The following COL28A1 variants were observed in gnomAD, a reference collection of about 807,000 sequenced individuals.
COL28A1 encodes collagen alpha-1(XXVIII) chain.
In COL28A1, 161 loss-of-function variants were observed where a neutral mutation model predicts 150.2. That is an observed-to-expected ratio of 1.07 (90% CI 0.94 to 1.22). The LOEUF (loss-of-function observed/expected upper bound fraction) is 1.22. COL28A1 is among the 50% of genes most tolerant of loss of function. The pLI is 0.00. For synonymous variants in COL28A1, 552 were observed against 469.7 expected (o/e 1.18, Z -2.26); for missense variants, 1,617 against 1,388.3 (o/e 1.16, Z -2.62).
At chr7:7,493,847 G>A (rs1414612707) in intron 11 of COL28A1, among the ~76,000 whole-genome samples, 1 of 122,118 alleles carries the variant, frequency 8.2e-6, no homozygotes, top group African/African-American at 2.9e-5. Flanking sequence ...CCAGCCCTTA[G>A]CAACACACAC....
intron 18 of COL28A1, among the ~76,000 whole-genome samples, chr7:7,451,285 G>A (rs1215130990): frequency 1.3e-5 from 2 of 151,734 alleles, no homozygotes; most frequent in Non-Finnish European, 2.9e-5. Context: ...GAGTGCAGTG[G>A]CGCGATCTCA....
intron 15 of COL28A1, among the ~76,000 whole-genome samples, chr7:7,459,753 G>A (rs920344944): frequency 3.9e-5 from 6 of 152,168 alleles, no homozygotes; most frequent in Non-Finnish European, 5.9e-5. Context: ...CTAACAACGA[G>A]GAGCTGACCT....
chr7:7,373,145 T>A lies in COL28A1; in HGVS notation c.2761A>T (p.Asn921Tyr). Residue 921 changes from asparagine to tyrosine, a missense_variant, in exon 32 of 35, where the codon AAT (asparagine) becomes TAT (tyrosine). Physicochemically the swap from Asn to Tyr is moderately radical, Grantham distance 143. Transcript: ENST00000399429. The surrounding 1 kb of genome is among the most constrained non-coding windows in gnomAD (Gnocchi z 4.1). The stretch of plus-strand genomic sequence containing the variant: ...ATCTCCACATTGGTGTCACTGGCAT[T>A]CTTCACCACCTCTGTCAGTTTCTCT... ...DKEKLTEVVK[N>Y]ASDTNVEIFV... 1 of 1,614,250 alleles carries A rather than the reference T, an allele frequency of 6.2e-7. No individual in the cohort carries two copies. Among genetic ancestry groups the A allele is most frequent in the Admixed American group, 1.7e-5 (1 of 60,028 alleles).
At position 7,489,417 on chromosome 7, in the gene COL28A1, G is replaced by A. The variant is rs764249895; in HGVS notation, c.1136C>T (p.Pro379Leu). ...GQEGRPGAPG[P>L]IGVGEPGQPG... ...CTGTCCAGGCTCACCAACTCCAATG[G>A]GTCCTGGAGCTCCCGGTCTTCCTTC... Residue 379 changes from proline to leucine, a missense_variant, in exon 13 of 35, where the codon CCC (proline) becomes CTC (leucine). Coordinates refer to ENST00000399429, the MANE Select transcript of COL28A1 (RefSeq NM_001037763.3). 2 of 1,467,034 alleles carry A rather than the reference G, an allele frequency of 1.4e-6. No homozygotes were observed. Among genetic ancestry groups the A allele is most frequent in the Non-Finnish European group, 1.9e-6 (2 of 1,045,704 alleles). 90.9% of individuals were successfully genotyped at this position (1,467,034 alleles called of 1,614,324 possible). A position where few individuals can be genotyped will look rare whatever the true frequency, so the allele number is the denominator to read the frequency against.
intron 4 of COL28A1, among the ~76,000 whole-genome samples, chr7:7,523,827 T>A (rs1231445408): frequency 6.6e-6 from 1 of 152,148 alleles, no homozygotes; most frequent in Admixed American, 6.5e-5. Context: ...AGGGGATGAC[T>A]CTAGACTCTG....
In COL28A1 at chr7:7,531,864, G is replaced by C; in HGVS notation, c.165C>G (p.Ser55Arg). The change falls in exon 3 of 35, where the codon AGC (serine) becomes AGG (arginine). Residue 55 changes from serine to arginine, a missense_variant. Transcript: ENST00000399429. ...AGAGGGCAATTTTAGAACTTTCAGA[G>C]CTGTCCACGATGAAGACAATATCTA... ...CFIDIVFIVD[S>R]SESSKIALFD... The C allele has an allele frequency of 6.2e-7, 1 of 1,609,526 alleles. No individual in the cohort carries two copies. Among genetic ancestry groups the C allele is most frequent in the Non-Finnish European group, 8.5e-7 (1 of 1,175,872 alleles).
Position 7,532,736 on chromosome 7 carries a change from A to ATTT in COL28A1, c.124+13_124+15dup. 5 of 1,234,032 alleles carry ATTT rather than the reference A, an allele frequency of 4.1e-6. No homozygotes were observed. Among genetic ancestry groups the ATTT allele is most frequent in the Admixed American group, 2.4e-5 (1 of 42,178 alleles). The allele number at this position is 1,234,032 out of a possible 1,614,324, so 76.4% of individuals were successfully genotyped here. A position where few individuals can be genotyped will look rare whatever the true frequency, so the allele number is the denominator to read the frequency against. ...AACAGGCTAAACTTAAAAACAAACA[A>ATTT]TTTTTTTTTTTTTACCCTGGACATC... On this transcript the variant is annotated intron_variant, in intron 2 of 34. Coordinates refer to ENST00000399429, the MANE Select transcript of COL28A1 (RefSeq NM_001037763.3).
chr7:7,379,927 T>C (rs1369888663), intron 30 of COL28A1, among the ~76,000 whole-genome samples: 2 of 152,190 alleles, frequency 1.3e-5, no homozygotes, highest in Non-Finnish European at 2.9e-5. Context: ...TGCCCAGCTC[T>C]CAGCTCTTGC....
chr7:7,365,411 G>A (rs970254476), intron 33 of COL28A1, among the ~76,000 whole-genome samples: 3 of 152,140 alleles, frequency 2.0e-5, no homozygotes, highest in Non-Finnish European at 2.9e-5. Flanking sequence ...ACACCTGAGA[G>A]CCGACACCTG....
At chr7:7,347,613 T>C in the COL28A1 span, among the ~76,000 whole-genome samples, 1 of 152,048 alleles carries the variant, frequency 6.6e-6, no homozygotes, top group African/African-American at 2.4e-5. Flanking sequence ...AGCAAAACCA[T>C]TTGGGAGTCA....
chr7:7,539,462 A>G (rs1303953890), upstream of COL28A1, among the ~76,000 whole-genome samples: 1 of 152,188 alleles, frequency 6.6e-6, no homozygotes, highest in African/African-American at 2.4e-5. Context: ...ATCCACCCAC[A>G]TGACCCAAAC....
At chr7:7,413,444 G>C (rs1298468423) in intron 27 of COL28A1, among the ~76,000 whole-genome samples, 1 of 152,128 alleles carries the variant, frequency 6.6e-6, no homozygotes, top group South Asian at 2.1e-4. Context: ...TTTTCTTCCT[G>C]GGCACACAGC....
At chr7:7,522,806 CAAAAAAAAAAAAAAAAA>C (rs200294353) in intron 4 of COL28A1, among the ~76,000 whole-genome samples, 24 of 93,156 alleles carry the variant, frequency 2.6e-4, no homozygotes, top group East Asian at 3.1e-4. Context: ...AGCTGAAGAG[CAAAAAAAAAAAAAAAAA>C]AAAAAAAAAA....
intron 25 of COL28A1, among the ~76,000 whole-genome samples, chr7:7,423,868 G>C (rs564440951): frequency 6.6e-6 from 1 of 152,134 alleles, no homozygotes; most frequent in Non-Finnish European, 1.5e-5. Context: ...ACCTTTGGGA[G>C]TATCTGAAGG....
chr7:7,370,354 G>C (rs73345257), intron 33 of COL28A1, among the ~76,000 whole-genome samples: 1 of 152,098 alleles, frequency 6.6e-6, no homozygotes, highest in African/African-American at 2.4e-5. Context: ...ATGCACAGAC[G>C]AAGAGGGAGA....
chr7:7,473,350 A>C (rs13225603), intron 15 of COL28A1, among the ~76,000 whole-genome samples: 1 of 152,194 alleles, frequency 6.6e-6, no homozygotes, highest in Non-Finnish European at 1.5e-5. Context: ...CAAGAAAAAA[A>C]CAAATAATCC....
At chr7:7,471,376 A>C (rs1028081067) in intron 15 of COL28A1, among the ~76,000 whole-genome samples, 1 of 152,202 alleles carries the variant, frequency 6.6e-6, no homozygotes, top group Non-Finnish European at 1.5e-5. Flanking sequence ...CTATGAAGCC[A>C]GTATCATCCT....
rs1784470579 is a variant in COL28A1 at position 7,423,186 on chromosome 7, G to C, written c.1999-3233C>G. ...CTAAAGCTTTATATGGATGATGTCT[G>C]AGGATTGCTTCAGGATAATGTGGTG... is the stretch of plus-strand genomic sequence containing the variant. On this transcript the variant is annotated intron_variant, in intron 25 of 34. Transcript: ENST00000399429. 2.0e-5 allele frequency among the ~76,000 whole-genome samples: 3 copies of C among 152,316 alleles called. No individual in the cohort carries two copies. In the South Asian group the frequency reaches 6.2e-4, roughly 32 times the overall value.
chr7:7,504,396 G>C (rs1249194820), intron 11 of COL28A1, among the ~76,000 whole-genome samples: 1 of 152,114 alleles, frequency 6.6e-6, no homozygotes, highest in Admixed American at 6.5e-5. Context: ...AGCTATTTTG[G>C]AGGCTGAGGC....
Sources: gnomAD v4.1 joint callset for allele counts (sites outside exome capture counted in the v4.1 genomes callset) on GRCh38, gnomAD v4.1.1 for gene constraint, Gnocchi (gnomAD v3.1) non-coding constraint, MANE v1.5 for transcripts, NCBI Gene and HGNC (gene_info 2026-07-23, HGNC 2026-07-21) for gene names.